PALS2: variants seen among roughly 807,000 people sequenced by gnomAD.
PALS2 encodes protein PALS2.
Under a neutral mutation model 61.6 loss-of-function variants are expected in PALS2, and 27 were observed. The observed-to-expected ratio is 0.44, with a 90% CI of 0.32 to 0.60. The LOEUF is 0.60. PALS2 is among the 20% of genes least tolerant of loss of function. The pLI, the probability that PALS2 is intolerant of heterozygous loss-of-function variation, is 0.05. For synonymous variants in PALS2, 236 were observed against 218.6 expected, an observed-to-expected ratio of 1.08 and a Z score of -0.70; for missense variants, 554 against 639.4, an observed-to-expected ratio of 0.87 and a Z score of 1.44.
intron 2 of PALS2, among the ~76,000 whole-genome samples, chr7:24,634,250 A>G (rs1342935512): frequency 6.6e-6 from 1 of 150,926 alleles, no homozygotes; most frequent in Non-Finnish European, 1.5e-5. Context: ...TATTTTTTTG[A>G]GATGGAGTCT....
intron 5 of PALS2, among the ~76,000 whole-genome samples, chr7:24,653,545 C>A (rs947966741): frequency 3.3e-5 from 5 of 152,128 alleles, no homozygotes; most frequent in African/African-American, 1.2e-4. Flanking sequence ...TCACGAAATT[C>A]CACTTTCGTT....
At chr7:24,629,828 A>G (rs1784919376) in intron 2 of PALS2, among the ~76,000 whole-genome samples, 1 of 152,244 alleles carries the variant, frequency 6.6e-6, no homozygotes, top group Non-Finnish European at 1.5e-5. Context: ...TCTGGAAACA[A>G]CAGATACTGA....
rs907016153 is a variant in PALS2 at position 24,588,314 on chromosome 7, A to G, written c.-3+14721A>G. Among the ~76,000 whole-genome samples the G allele has an allele frequency of 9.2e-5, 14 of 152,322 alleles. 1 individual carries two copies. In the South Asian group the frequency reaches 1.2e-3, roughly 14 times the overall value. On this transcript the variant is annotated intron_variant, in intron 1 of 11. Transcript: ENST00000222644. ...TTCATTGTGTTCTTATCTTAAGGGTATATCTTAGACATTTCAATTAGACAA... is the reference window on the plus strand; with the variant it reads ...TTCATTGTGTTCTTATCTTAAGGGTGTATCTTAGACATTTCAATTAGACAA...
intron 1 of PALS2, among the ~76,000 whole-genome samples, chr7:24,587,226 G>A (rs927967628): frequency 3.3e-5 from 5 of 152,022 alleles, no homozygotes; most frequent in Admixed American, 1.3e-4. Flanking sequence ...TTGGAAGGAC[G>A]AAGGACGTTA....
chr7:24,609,031 C>T (rs1199874677), intron 1 of PALS2, among the ~76,000 whole-genome samples: 2 of 152,202 alleles, frequency 1.3e-5, no homozygotes, highest in Non-Finnish European at 2.9e-5. Context: ...TCTCACATAT[C>T]TCTCAGAATG....
At position 24,667,628 on chromosome 7, in the gene PALS2, CAT is replaced by C. The variant is rs140416455; in HGVS notation, c.953-869_953-868del. On this transcript the variant is annotated intron_variant, in intron 8 of 11. Transcript: ENST00000222644. ...GAATCTCTGATAAGTAAGGATAAAACATAGAATTTTTCTAGCTTGATTAGATA... is the reference window on the plus strand; with the variant it reads ...GAATCTCTGATAAGTAAGGATAAAACAGAATTTTTCTAGCTTGATTAGATA... Among the ~76,000 whole-genome samples, 469 of 147,374 alleles carry C rather than the reference CAT, an allele frequency of 3.2e-3. 1 individual carries two copies. Among genetic ancestry groups the C allele is most frequent in the African/African-American group, 0.01 (413 of 40,320 alleles).
rs573321885 is a variant in PALS2, at chr7:24,593,760, C to T, written c.-3+20167C>T. ...AAATTCAGTAAACCTTGTTGTAAAC[C>T]GAAGTGCTGTCATCAAGGTTTTGTT... On this transcript the variant is annotated intron_variant, in intron 1 of 11. Transcript: ENST00000222644. Among the ~76,000 whole-genome samples the T allele has an allele frequency of 2.0e-3, 303 of 152,054 alleles. 1 individual carries two copies. The highest frequency in any genetic ancestry group is 7.0e-3 in the African/African-American group (290 of 41,488).
At chr7:24,683,969 C>T (rs77300226) in intron 11 of PALS2, among the ~76,000 whole-genome samples, 10,518 of 152,148 alleles carry the variant, frequency 0.069, 449 homozygotes, top group African/African-American at 0.11. Flanking sequence ...CTTTATTCTA[C>T]AGTACAAACA....
intron 5 of PALS2, among the ~76,000 whole-genome samples, chr7:24,652,146 C>G (rs1041787510): frequency 6.6e-6 from 1 of 152,114 alleles, no homozygotes; most frequent in African/African-American, 2.4e-5. Context: ...GACCTGCGTA[C>G]GCTGGAAGAG....
rs956202616 is a variant in PALS2 at position 24,690,866 on chromosome 7, C to T, written c.*3252C>T. 6.6e-6 allele frequency: 1 copy of T among 152,064 alleles called. No individual in the cohort carries two copies. Among genetic ancestry groups the T allele is most frequent in the Non-Finnish European group, 1.5e-5 (1 of 67,990 alleles). 9.4% of individuals were successfully genotyped at this position (152,064 alleles called of 1,614,324 possible). Reference sequence around the variant, plus strand: ...GCATTAGTAGCCTAAATCCTAGATTCTAGAATCCAATAAATTTATAGTAGT... The same window carrying T: ...GCATTAGTAGCCTAAATCCTAGATTTTAGAATCCAATAAATTTATAGTAGT... On this transcript the variant is annotated 3_prime_UTR_variant, in exon 12 of 12. Coordinates refer to ENST00000222644, the MANE Select transcript of PALS2 (RefSeq NM_001303037.2).
chr7:24,645,370 G>A (rs1219769171), intron 3 of PALS2, among the ~76,000 whole-genome samples: 9 of 152,026 alleles, frequency 5.9e-5, no homozygotes, highest in Admixed American at 5.2e-4. Context: ...TTATTGAATA[G>A]GGAGTCTTTT....
At chr7:24,629,611 T>C (rs1452810265) in intron 2 of PALS2, among the ~76,000 whole-genome samples, 1 of 151,328 alleles carries the variant, frequency 6.6e-6, no homozygotes, top group Non-Finnish European at 1.5e-5. Context: ...ATCCAGACTC[T>C]ACAAGGAACT....
chr7:24,631,987 T>C (rs1785015510), intron 2 of PALS2, among the ~76,000 whole-genome samples: 1 of 152,222 alleles, frequency 6.6e-6, no homozygotes, highest in Non-Finnish European at 1.5e-5. Context: ...TTTATTGTGG[T>C]TATCTTGAGC....
intron 1 of PALS2, among the ~76,000 whole-genome samples, chr7:24,598,797 T>G (rs1467923423): frequency 2.0e-5 from 3 of 152,328 alleles, no homozygotes; most frequent in Middle Eastern, 6.8e-3. Context: ...GTGTCTGTGT[T>G]TCTCTGTCTT....
chr7:24,595,429 A>C (rs1783464066), intron 1 of PALS2, among the ~76,000 whole-genome samples: 1 of 141,826 alleles, frequency 7.1e-6, no homozygotes, highest in South Asian at 2.1e-4. Context: ...ATATATAAAA[A>C]ATATATAAAA....
At chr7:24,580,692 C>A (rs1321086575) in intron 1 of PALS2, among the ~76,000 whole-genome samples, 1 of 152,148 alleles carries the variant, frequency 6.6e-6, no homozygotes, top group Non-Finnish European at 1.5e-5. Context: ...GTACACTCAT[C>A]ACATGAGTAG....
chr7:24,679,402 G>A, intron 10 of PALS2, 69 bp downstream of exon 10: 1 of 1,517,600 alleles, frequency 6.6e-7, no homozygotes, highest in East Asian at 2.3e-5. Context: ...TGTGTGTCGG[G>A]GTTGTTGGGT....
intron 9 of PALS2, among the ~76,000 whole-genome samples, chr7:24,672,910 T>G (rs80248938): frequency 0.069 from 10,513 of 152,240 alleles, 446 homozygotes; most frequent in African/African-American, 0.11. Flanking sequence ...TTGTCTACTT[T>G]CCTCAACTAG....
chr7:24,649,489 T>G, intron 3 of PALS2, 123 bp from the exon 4 acceptor site: 1 of 684,552 alleles, frequency 1.5e-6, no homozygotes, highest in Non-Finnish European at 2.2e-6. Context: ...ATTTGGGAAT[T>G]TAATACCATG....
Sources: allele counts gnomAD v4.1 joint callset (sites outside exome capture counted in the v4.1 genomes callset), GRCh38; gene constraint gnomAD v4.1.1; transcripts MANE v1.5; gene names NCBI Gene and HGNC (gene_info 2026-07-23, HGNC 2026-07-21).